Variants in PATJ observed in about 807,000 individuals in gnomAD.
PATJ encodes inaD-like protein.
In PATJ, 190 loss-of-function variants were observed where a neutral mutation model predicts 224.9. The observed-to-expected ratio is 0.84, with a 90% confidence interval of 0.75 to 0.95. The LOEUF is 0.95. Among genes scored for constraint, PATJ ranks in the 40% least tolerant of loss-of-function variants. The pLI, the probability that PATJ is intolerant of heterozygous loss-of-function variation, is 0.00. For missense variants in PATJ, 2,121 were observed against 2,270.3 expected (o/e 0.93, Z 1.34); for synonymous variants, 769 against 820.3 (o/e 0.94, Z 1.07).
At chr1:61,952,517 G>A in intron 27 of PATJ, 1 of 687,684 alleles carries the variant, frequency 1.5e-6, no homozygotes, top group Admixed American at 2.0e-5. Flanking sequence ...ACAATGGTAA[G>A]CCAAGGCATT....
At chr1:62,095,842 T>C (rs897571636) in intron 33 of PATJ, among the ~76,000 whole-genome samples, 1 of 152,230 alleles carries the variant, frequency 6.6e-6, no homozygotes, top group Non-Finnish European at 1.5e-5. Flanking sequence ...TCCAAGCTTC[T>C]AGTCAACATT....
chr1:62,046,244 GGGAGGGAGGGAGGGAAA>G (rs1285975869), intron 30 of PATJ, among the ~76,000 whole-genome samples: 1 of 148,068 alleles, frequency 6.8e-6, no homozygotes, highest in Non-Finnish European at 1.5e-5. Context: ...AAGGGAGGGA[GGGAGGGAGGGAGGGAAA>G]GGATCCACAT....
chr1:61,771,569 A>G lies in PATJ; in HGVS notation c.663A>G (p.Pro221=). The change falls in exon 6 of 44, where the codon CCA becomes CCG. Residue 221 remains proline (P), a synonymous_variant. Coordinates refer to ENST00000642238, the MANE Select transcript of PATJ (RefSeq NM_001350145.3). ...GSLRLIVARE[P]VHTKSSTSSS... ...TGAGACTGATTGTGGCCAGGGAACCAGTCCACACAAAAAGCAGTACTTCTA... is the reference window on the plus strand; with the variant it reads ...TGAGACTGATTGTGGCCAGGGAACCGGTCCACACAAAAAGCAGTACTTCTA... 1 of 1,612,360 alleles carries G rather than the reference A, an allele frequency of 6.2e-7. No homozygotes were observed. Among genetic ancestry groups the G allele is most frequent in the South Asian group, 1.1e-5 (1 of 90,458 alleles).
chr1:61,827,204 C>A (rs1440839865), intron 15 of PATJ, among the ~76,000 whole-genome samples: 2 of 151,976 alleles, frequency 1.3e-5, no homozygotes, highest in Non-Finnish European at 2.9e-5. Context: ...TCAATACATG[C>A]AAAGATTTAG....
At chr1:61,875,456 T>A in intron 21 of PATJ, 90 bp downstream of exon 21, 1 of 999,478 alleles carries the variant, frequency 1.0e-6, no homozygotes, top group Non-Finnish European at 1.5e-6. Context: ...CACCGTCATA[T>A]TTTTATTCAT....
chr1:62,113,407 C>A (rs1664085620), intron 34 of PATJ, among the ~76,000 whole-genome samples: 1 of 152,144 alleles, frequency 6.6e-6, no homozygotes, highest in African/African-American at 2.4e-5. Flanking sequence ...AAGTCCGAGG[C>A]AGGAGGATCA....
At chr1:62,105,571 G>A (rs747979455) in intron 33 of PATJ, among the ~76,000 whole-genome samples, 5 of 152,078 alleles carry the variant, frequency 3.3e-5, no homozygotes, top group African/African-American at 4.8e-5. Flanking sequence ...TCATTCCCCT[G>A]AAACAGTTCA....
chr1:62,026,751 A>C (rs1424933418), intron 29 of PATJ, among the ~76,000 whole-genome samples: 1 of 152,184 alleles, frequency 6.6e-6, no homozygotes, highest in Non-Finnish European at 1.5e-5. Flanking sequence ...TAAATAATTC[A>C]AACATATTTT....
chr1:61,966,631 A>T (rs1161089137), intron 27 of PATJ, among the ~76,000 whole-genome samples: 1 of 149,010 alleles, frequency 6.7e-6, no homozygotes, highest in Non-Finnish European at 1.5e-5. Context: ...GGTTGCAGTG[A>T]GTCGAGATTG....
chr1:61,909,263 A>G (rs954706444), intron 25 of PATJ, among the ~76,000 whole-genome samples: 1 of 152,192 alleles, frequency 6.6e-6, no homozygotes, highest in Non-Finnish European at 1.5e-5. Context: ...TACAGGTGTG[A>G]GCCACTGCGC....
intron 27 of PATJ, among the ~76,000 whole-genome samples, chr1:61,982,167 G>A (rs1348785226): frequency 1.3e-5 from 2 of 151,992 alleles, no homozygotes; most frequent in Non-Finnish European, 2.9e-5. Flanking sequence ...GGGGGTAAGA[G>A]AAGGTCAGAA....
chr1:62,138,080 C>G (rs1667139814), intron 41 of PATJ, among the ~76,000 whole-genome samples: 1 of 152,154 alleles, frequency 6.6e-6, no homozygotes. Context: ...TCGGCAATTA[C>G]TAAATATTTG....
chr1:61,822,249 G>A (rs943681763), intron 14 of PATJ, among the ~76,000 whole-genome samples: 49 of 151,722 alleles, frequency 3.2e-4, no homozygotes, highest in African/African-American at 1.1e-3. Context: ...GCGAAACCTC[G>A]TCTCTACTAA....
At chr1:61,796,662 C>CTTTCTTTCTTTCTTTCTT (rs1172420389) in intron 10 of PATJ, among the ~76,000 whole-genome samples, 12 of 50,076 alleles carry the variant, frequency 2.4e-4, no homozygotes, top group African/African-American at 6.3e-4. Flanking sequence ...AATTTATTTT[C>CTTTCTTTCTTTCTTTCTT]TTTCTTTCTT....
chr1:62,069,032 A>T (rs534067656), intron 31 of PATJ, among the ~76,000 whole-genome samples: 18 of 152,210 alleles, frequency 1.2e-4, no homozygotes, highest in Admixed American at 2.6e-4. Context: ...AACACAAAAT[A>T]TGAAGGAAAG....
chr1:61,802,208 C>T lies in PATJ; in HGVS notation c.1549+439C>T, dbSNP rs187251945. 4.2e-3 allele frequency among the ~76,000 whole-genome samples: 635 copies of T among 152,200 alleles called. 7 individuals carry two copies. Among genetic ancestry groups the T allele is most frequent in the Middle Eastern group, 0.014 (4 of 294 alleles). On this transcript the variant is annotated intron_variant, in intron 12 of 43. Coordinates refer to ENST00000642238, the MANE Select transcript of PATJ (RefSeq NM_001350145.3). The stretch of plus-strand genomic sequence containing the variant: ...TCCTGGGTTCAAGCGATTCTCCTGC[C>T]TCAGCCTCCCGAGTAGCTGGAATTA...
intron 41 of PATJ, among the ~76,000 whole-genome samples, chr1:62,139,646 A>G (rs1390749419): frequency 1.3e-5 from 2 of 152,140 alleles, no homozygotes; most frequent in African/African-American, 4.8e-5. Flanking sequence ...CACAAGTCAA[A>G]GCCCCAGGAA....
chr1:61,841,889 C>T (rs916850495), intron 17 of PATJ, among the ~76,000 whole-genome samples: 11 of 152,188 alleles, frequency 7.2e-5, no homozygotes, highest in African/African-American at 2.7e-4. Flanking sequence ...CTGAAGATTT[C>T]TTTTCACAGA....
chr1:61,856,072 C>T lies in PATJ; in HGVS notation c.2155C>T (p.Leu719=), dbSNP rs1663609225. Residue 719 remains leucine, a synonymous_variant, in exon 18 of 44, where the codon CTG becomes TTG. Coordinates refer to ENST00000642238, the MANE Select transcript of PATJ (RefSeq NM_001350145.3). ...PTRSVIVIRS[L]VADGVAERSG... ...AAGATCAGTGATTGTGATCCGCTCC[C>T]TGGTAGCAGATGGTGTAGCAGAAAG... 1 of 1,614,022 alleles carries T rather than the reference C, an allele frequency of 6.2e-7. No homozygotes were observed. Among genetic ancestry groups the T allele is most frequent in the African/African-American group, 1.3e-5 (1 of 74,926 alleles).
Sources: allele counts gnomAD v4.1 joint callset (sites outside exome capture counted in the v4.1 genomes callset), GRCh38; gene constraint gnomAD v4.1.1; transcripts MANE v1.5; gene names NCBI Gene and HGNC (gene_info 2026-07-23, HGNC 2026-07-21).